The following ZNF469 variants were observed in gnomAD, a reference collection of about 807,000 sequenced individuals.
The protein encoded by ZNF469 is zinc finger protein 469.
ZNF469 carries 1 observed loss-of-function variant against 1.0 expected under a neutral mutation model. The ratio of observed to expected loss-of-function variants is 1.00; its 90% CI spans 0.35 to 4.73. The LOEUF (loss-of-function observed/expected upper bound fraction) is 4.73. ZNF469 is among the 30% of genes most tolerant of loss of function. ZNF469 has a pLI of 0.16. For synonymous variants in ZNF469, 2,703 were observed against 2,363.4 expected (o/e 1.14, Z -4.17); for missense variants, 6,100 against 5,356.3 (o/e 1.14, Z -4.33).
intron 1 of ZNF469, among the ~76,000 whole-genome samples, chr16:88,417,434 G>C (rs933771188): frequency 6.6e-6 from 1 of 152,170 alleles, no homozygotes; most frequent in Non-Finnish European, 1.5e-5. Context: ...CTAACCACCT[G>C]CCACCTCCAC....
At chr16:88,200,219 T>C in the ZNF469 span, among the ~76,000 whole-genome samples, 1 of 151,976 alleles carries the variant, frequency 6.6e-6, no homozygotes, top group African/African-American at 2.4e-5. Flanking sequence ...GGGGAGAAGT[T>C]AAAGGCTGAG....
At chr16:88,308,655 C>A in the ZNF469 span, among the ~76,000 whole-genome samples, 1 of 152,182 alleles carries the variant, frequency 6.6e-6, no homozygotes, top group African/African-American at 2.4e-5. Flanking sequence ...AGGACACCCA[C>A]AGACTGGGCA....
At chr16:88,131,062 G>A in the ZNF469 span, among the ~76,000 whole-genome samples, 47 of 152,350 alleles carry the variant, frequency 3.1e-4, no homozygotes, top group African/African-American at 1.0e-3. Flanking sequence ...CATTTCTGGC[G>A]GGTGAAATTG....
At chr16:88,316,668 T>C in the ZNF469 span, among the ~76,000 whole-genome samples, 1 of 147,944 alleles carries the variant, frequency 6.8e-6, no homozygotes, top group African/African-American at 2.5e-5. Context: ...TGCCTCAGCC[T>C]CCCGAGTGGC....
the ZNF469 span, among the ~76,000 whole-genome samples, chr16:88,350,384 C>T: frequency 2.6e-5 from 4 of 152,254 alleles, no homozygotes; most frequent in Admixed American, 1.3e-4. Flanking sequence ...GGGCACCTCC[C>T]GGCGCACCCA....
At chr16:88,358,599 T>C in the ZNF469 span, among the ~76,000 whole-genome samples, 1 of 152,214 alleles carries the variant, frequency 6.6e-6, no homozygotes, top group East Asian at 1.9e-4. Context: ...GGAGGCTCTT[T>C]TGTGTCTGCC....
At chr16:88,198,659 G>A in the ZNF469 span, among the ~76,000 whole-genome samples, 9 of 152,198 alleles carry the variant, frequency 5.9e-5, no homozygotes, top group South Asian at 4.1e-4. Context: ...TGAGGCTGAC[G>A]GGTTTCTTGA....
In ZNF469 at chr16:88,428,538, T is replaced by C. The variant is rs1190495642; in HGVS notation, c.1068T>C (p.Ser356=). The C allele has an allele frequency of 6.5e-7, 1 of 1,548,698 alleles. No individual in the cohort carries two copies. The highest frequency in any genetic ancestry group is 2.4e-5 in the East Asian group (1 of 40,866). The change falls in exon 3 of 3, where the codon TCT becomes TCC. Residue 356 remains serine, a synonymous_variant. Transcript: ENST00000565624. ...NRHSDLSGAL[S]SPGAAHSAPR... ...ACAGCGACCTCAGTGGTGCCCTCTC[T>C]TCCCCTGGAGCTGCTCACTCGGCCC...
chr16:88,380,136 C>T (rs574425818), upstream of ZNF469, among the ~76,000 whole-genome samples: 136 of 111,362 alleles, frequency 1.2e-3, 1 homozygote, highest in African/African-American at 8.8e-3. Context: ...CACACACAGA[C>T]ACACACTCAC....
chr16:88,412,086 G>A (rs1330172618), intron 1 of ZNF469, among the ~76,000 whole-genome samples: 2 of 20,546 alleles, frequency 9.7e-5, no homozygotes, highest in East Asian at 3.5e-3. Flanking sequence ...GGGGCGGGGG[G>A]TCCGGAGAGG....
At chr16:88,374,914 C>T in the ZNF469 span, among the ~76,000 whole-genome samples, 2 of 152,218 alleles carry the variant, frequency 1.3e-5, no homozygotes, top group Non-Finnish European at 2.9e-5. Flanking sequence ...AAGGTTTTAC[C>T]TGCCCTGAGC....
chr16:88,176,398 G>T, the ZNF469 span, among the ~76,000 whole-genome samples: 91 of 149,902 alleles, frequency 6.1e-4, 1 homozygote, highest in South Asian at 0.018. Flanking sequence ...TGGGGGAGCT[G>T]GCTGGGACAC....
chr16:88,152,801 G>A, the ZNF469 span, among the ~76,000 whole-genome samples: 1 of 152,198 alleles, frequency 6.6e-6, no homozygotes, highest in African/African-American at 2.4e-5. This position sits in a 1 kb window ranked among gnomAD's most constrained non-coding sequence, Gnocchi z 4.2. Context: ...GGAGGCCGCA[G>A]CCAGGGTGAT....
chr16:88,136,547 G>T, the ZNF469 span, among the ~76,000 whole-genome samples: 6 of 152,278 alleles, frequency 3.9e-5, no homozygotes, highest in African/African-American at 1.4e-4. Flanking sequence ...AGCAGCACTT[G>T]CTGTATTGTG....
Position 88,436,455 on chromosome 16 carries a change from G to A in ZNF469, c.8985G>A (p.Ala2995=), listed in dbSNP as rs1390121953. The change falls in exon 3 of 3, where the codon GCG becomes GCA. Residue 2995 remains alanine, a synonymous_variant. Transcript: ENST00000565624. Reference sequence around the variant, plus strand: ...TTCCTGAGCTGCACATGGTCCCAGCGGCTTGGCGAGGCCTGGAGATGCCGG... The same window carrying A: ...TTCCTGAGCTGCACATGGTCCCAGCAGCTTGGCGAGGCCTGGAGATGCCGG... The part of the protein sequence containing the change: ...EAIPELHMVP[A]AWRGLEMPAP... 21 of 1,547,088 alleles carry A rather than the reference G, an allele frequency of 1.4e-5. No homozygotes were observed. The highest frequency in any genetic ancestry group is 5.9e-5 in the Admixed American group (3 of 50,992).
chr16:88,263,092 T>C, the ZNF469 span, among the ~76,000 whole-genome samples: 1 of 152,176 alleles, frequency 6.6e-6, no homozygotes. Flanking sequence ...GTATGAGAAC[T>C]AGGAGTCTCC....
At chr16:88,161,962 T>C in the ZNF469 span, among the ~76,000 whole-genome samples, 1 of 152,380 alleles carries the variant, frequency 6.6e-6, no homozygotes, top group East Asian at 1.9e-4. Flanking sequence ...CCTATGATTT[T>C]AGAGCATTTA....
At position 88,432,623 on chromosome 16, in the gene ZNF469, A is replaced by G. The variant is rs773784923; in HGVS notation, c.5153A>G (p.Gln1718Arg). The G allele has an allele frequency of 1.9e-6, 3 of 1,550,386 alleles. No individual in the cohort carries two copies. The highest frequency in any genetic ancestry group is 2.4e-5 in the South Asian group (2 of 84,064). Reference protein sequence around the residue: ...CQAEGDSRPPQDVCLPEPSKQ... With the variant: ...CQAEGDSRPPRDVCLPEPSKQ... ...GCAGAAGGAGACAGCAGGCCCCCCC[A>G]AGATGTCTGCCTGCCTGAGCCCAGC... Residue 1718 changes from glutamine (Q) to arginine (R), a missense_variant, in exon 3 of 3, where the codon CAA becomes CGA. Physicochemically the swap from Gln to Arg is conservative, Grantham distance 43 (BLOSUM62 1). Coordinates refer to ENST00000565624, the MANE Select transcript of ZNF469 (RefSeq NM_001367624.2).
rs1395510710 is a variant in ZNF469 at position 88,430,714 on chromosome 16, C to T, written c.3244C>T (p.Pro1082Ser). The T allele has an allele frequency of 3.4e-6, 5 of 1,488,542 alleles. No individual in the cohort carries two copies. Among genetic ancestry groups the T allele is most frequent in the Non-Finnish European group, 3.5e-6 (4 of 1,128,446 alleles). The allele number at this position is 1,488,542 out of a possible 1,614,324, so 92.2% of individuals were successfully genotyped here. A position where few individuals can be genotyped will look rare whatever the true frequency, so the allele number is the denominator to read the frequency against. Residue 1082 changes from proline (P) to serine (S), a missense_variant, in exon 3 of 3, where the codon CCC (proline) becomes TCC (serine). By Grantham distance (74) the Pro-to-Ser change is moderately conservative (BLOSUM62 -1). Coordinates refer to ENST00000565624, the MANE Select transcript of ZNF469 (RefSeq NM_001367624.2). ...CTCCCTGGCGGCGGGGAGGCCCCGGCCCGGAGCTGAGGACCGCAGGCTCCG... is the reference window on the plus strand; with the variant it reads ...CTCCCTGGCGGCGGGGAGGCCCCGGTCCGGAGCTGAGGACCGCAGGCTCCG... ...CGSLAAGRPR[P>S]GAEDRRLREY...
Sources: gnomAD v4.1 joint callset for allele counts (sites outside exome capture counted in the v4.1 genomes callset) on GRCh38, gnomAD v4.1.1 for gene constraint, Gnocchi (gnomAD v3.1) non-coding constraint, MANE v1.5 for transcripts, NCBI Gene and HGNC (gene_info 2026-07-23, HGNC 2026-07-21) for gene names.